Variants in KALRN observed in about 807,000 individuals in gnomAD.
KALRN encodes the protein kalirin.
Under a neutral mutation model 353.7 loss-of-function variants are expected in KALRN, and 70 were observed. The observed-to-expected ratio is 0.20, with a 90% confidence interval of 0.16 to 0.24. The LOEUF (loss-of-function observed/expected upper bound fraction) is 0.24. Ranked by LOEUF, KALRN falls within the 10% of genes least tolerant of loss-of-function variation. KALRN has a pLI of 1.00. For synonymous variants in KALRN, 1,391 were observed against 1,434.8 expected (o/e 0.97, Z 0.69); for missense variants, 2,791 against 3,756.7 (o/e 0.74, Z 6.72).
chr3:124,131,725 C>T (rs138352171), intron 1 of KALRN, among the ~76,000 whole-genome samples: 9 of 152,212 alleles, frequency 5.9e-5, no homozygotes, highest in South Asian at 2.1e-4. Flanking sequence ...CAGCCACTGC[C>T]GGGAGGTCAG....
chr3:124,166,699 G>A (rs113257420), intron 1 of KALRN, among the ~76,000 whole-genome samples: 5,117 of 152,138 alleles, frequency 0.034, 259 homozygotes, highest in African/African-American at 0.11. Context: ...AACTGACACC[G>A]CTGCTCTGAG....
At chr3:124,116,168 C>T (rs774210341) in intron 1 of KALRN, among the ~76,000 whole-genome samples, 1 of 152,176 alleles carries the variant, frequency 6.6e-6, no homozygotes, top group Non-Finnish European at 1.5e-5. Flanking sequence ...TCTCTTTGGT[C>T]ATGGCTAGAG....
At chr3:124,102,484 A>C (rs1344897628) in intron 1 of KALRN, among the ~76,000 whole-genome samples, 1 of 152,196 alleles carries the variant, frequency 6.6e-6, no homozygotes, top group Non-Finnish European at 1.5e-5. Context: ...CACTAGGTGC[A>C]TGGCTAGTGT....
intron 33 of KALRN, among the ~76,000 whole-genome samples, chr3:124,539,019 TG>T (rs1374747363): frequency 6.6e-6 from 1 of 152,114 alleles, no homozygotes; most frequent in Non-Finnish European, 1.5e-5. Flanking sequence ...GCATGGTGCC[TG>T]GGGGGCTGGT....
Position 124,671,992 on chromosome 3 carries a change from A to G in KALRN, c.6942+94A>G, listed in dbSNP as rs139680772. ...GAGAAGGAGTCTCGGTCTGTCATCC[A>G]GGCTGGAGTGCAATGGCACCATCTC... is the stretch of plus-strand genomic sequence containing the variant. On this transcript the variant is annotated intron_variant, in intron 48 of 59. Transcript: ENST00000682506. The G allele has an allele frequency of 6.7e-4, 639 of 953,606 alleles. 7 individuals carry two copies. In the African/African-American group the frequency reaches 8.6e-3, roughly 13 times the overall value. 59.1% of individuals were successfully genotyped at this position (953,606 alleles called of 1,614,324 possible).
chr3:124,247,010 A>G (rs534027715), intron 3 of KALRN, among the ~76,000 whole-genome samples: 8 of 151,864 alleles, frequency 5.3e-5, no homozygotes, highest in South Asian at 2.1e-4. Flanking sequence ...TGTGTTTTCT[A>G]TTTCTCTCTT....
intron 34 of KALRN, chr3:124,584,767 C>T (rs2074966482): frequency 1.3e-6 from 2 of 1,556,486 alleles, no homozygotes; most frequent in East Asian, 2.4e-5. Context: ...CCGCCGCGCT[C>T]TCACCCCGGG....
At chr3:124,497,145 T>A in intron 33 of KALRN, among the ~76,000 whole-genome samples, 1 of 152,010 alleles carries the variant, frequency 6.6e-6, no homozygotes, top group East Asian at 1.9e-4. Context: ...CCCAGCTAGG[T>A]GAGGAATGCA....
At chr3:124,343,693 C>G (rs908485196) in intron 9 of KALRN, among the ~76,000 whole-genome samples, 1 of 152,194 alleles carries the variant, frequency 6.6e-6, no homozygotes, top group African/African-American at 2.4e-5. Context: ...TCAGCTAAAC[C>G]TCACTTCTCC....
At chr3:124,678,961 A>G (rs1245719988) in intron 50 of KALRN, among the ~76,000 whole-genome samples, 1 of 129,894 alleles carries the variant, frequency 7.7e-6, no homozygotes, top group East Asian at 2.2e-4. Flanking sequence ...TTTAAATTGG[A>G]ACCTCTGGAA....
intron 34 of KALRN, among the ~76,000 whole-genome samples, chr3:124,618,167 G>T (rs998460286): frequency 2.5e-4 from 32 of 130,242 alleles, no homozygotes; most frequent in African/African-American, 8.5e-4. Context: ...GGAGTGCAGC[G>T]GCACGATCTC....
intron 1 of KALRN, among the ~76,000 whole-genome samples, chr3:124,100,843 A>G (rs2061804271): frequency 6.6e-6 from 1 of 152,188 alleles, no homozygotes; most frequent in Non-Finnish European, 1.5e-5. Context: ...AGCCAATTAA[A>G]TTGGAATAGC....
chr3:124,606,773 A>G (rs978357589), intron 34 of KALRN, among the ~76,000 whole-genome samples: 33 of 152,362 alleles, frequency 2.2e-4, no homozygotes, highest in African/African-American at 7.9e-4. Context: ...GAGTTCTTAT[A>G]AATTAAGAAA....
intron 1 of KALRN, among the ~76,000 whole-genome samples, chr3:124,185,879 T>A (rs1009171567): frequency 1.3e-5 from 2 of 152,174 alleles, no homozygotes; most frequent in Non-Finnish European, 2.9e-5. Flanking sequence ...TGTTTTTACC[T>A]GGATTGTAAG....
chr3:124,349,496 A>G (rs1427644361), intron 10 of KALRN, among the ~76,000 whole-genome samples: 1 of 151,900 alleles, frequency 6.6e-6, no homozygotes, highest in Non-Finnish European at 1.5e-5. Flanking sequence ...AGTATATTTT[A>G]TGTGTGGCCC....
chr3:124,272,441 C>T (rs1477610040), intron 5 of KALRN, among the ~76,000 whole-genome samples: 5 of 152,144 alleles, frequency 3.3e-5, no homozygotes, highest in South Asian at 4.1e-4. Context: ...AAAATAAAGA[C>T]GTGATTTTTT....
At chr3:124,499,435 A>G (rs908535770) in intron 33 of KALRN, among the ~76,000 whole-genome samples, 5 of 152,246 alleles carry the variant, frequency 3.3e-5, no homozygotes, top group Non-Finnish European at 5.9e-5. Context: ...GACATTCAGT[A>G]AAGGTTAATT....
intron 1 of KALRN, among the ~76,000 whole-genome samples, chr3:124,038,420 T>A (rs555979819): frequency 6.6e-6 from 1 of 152,246 alleles, no homozygotes; most frequent in African/African-American, 2.4e-5. Flanking sequence ...GGAATTTTTG[T>A]TTTTTGTTAG....
chr3:124,639,477 G>A (rs1455219189), intron 37 of KALRN, among the ~76,000 whole-genome samples: 1 of 152,140 alleles, frequency 6.6e-6, no homozygotes, highest in Non-Finnish European at 1.5e-5. Context: ...CACTTAGTGG[G>A]TTTTTCATGA....
Sources: gnomAD v4.1 joint callset for allele counts (sites outside exome capture counted in the v4.1 genomes callset) on GRCh38, gnomAD v4.1.1 for gene constraint, MANE v1.5 for transcripts, NCBI Gene and HGNC (gene_info 2026-07-23, HGNC 2026-07-21) for gene names.